DENND1A: variants seen among roughly 807,000 people sequenced by gnomAD.
The protein encoded by DENND1A is DENN domain containing 1A.
In DENND1A, 51 loss-of-function variants were observed where a neutral mutation model predicts 113.7. The observed-to-expected ratio is 0.45, with a 90% CI of 0.36 to 0.57. DENND1A has a LOEUF of 0.57. Ranked by LOEUF, DENND1A falls within the 20% of genes least tolerant of loss-of-function variation. DENND1A has a pLI of 0.00. For missense variants in DENND1A, 1,258 were observed against 1,395.9 expected (o/e 0.90, Z 1.57); for synonymous variants, 565 against 570.8 (o/e 0.99, Z 0.14).
rs142067048 is a variant in DENND1A, at chr9:123,791,689, T to C, written c.132+898A>G. Among the ~76,000 whole-genome samples the C allele has an allele frequency of 3.3e-4, 50 of 152,318 alleles. No individual in the cohort carries two copies. The East Asian group carries it at 9.1e-3, about 28-fold the overall frequency. On this transcript the variant is annotated intron_variant, in intron 3 of 23. Transcript: ENST00000394215. ...GGGTATTTCTATTCTATTGTACTTATCCTCATTCAAAGACTTTTAATAAAA... is the reference window on the plus strand; with the variant it reads ...GGGTATTTCTATTCTATTGTACTTACCCTCATTCAAAGACTTTTAATAAAA...
At chr9:123,664,713 A>C (rs1186706925) in intron 8 of DENND1A, among the ~76,000 whole-genome samples, 3 of 152,202 alleles carry the variant, frequency 2.0e-5, no homozygotes, top group Non-Finnish European at 4.4e-5. Context: ...TTTCAAATAG[A>C]TGAATATTTT....
intron 2 of DENND1A, among the ~76,000 whole-genome samples, chr9:123,821,090 G>A (rs1163908285): frequency 2.0e-5 from 3 of 152,188 alleles, no homozygotes; most frequent in Non-Finnish European, 2.9e-5. Flanking sequence ...TAGGAATACT[G>A]TTTTGACAAC....
chr9:123,410,277 CG>C (rs1564435995), intron 20 of DENND1A, among the ~76,000 whole-genome samples: 2 of 152,182 alleles, frequency 1.3e-5, no homozygotes, highest in African/African-American at 4.8e-5. Flanking sequence ...CTAGCTCTGT[CG>C]GCCCCCCAAA....
chr9:123,618,123 G>C (rs573023519), intron 10 of DENND1A, among the ~76,000 whole-genome samples: 2 of 152,252 alleles, frequency 1.3e-5, no homozygotes, highest in South Asian at 4.2e-4. Context: ...CACTATGCTG[G>C]TGCTGCACAT....
intron 5 of DENND1A, among the ~76,000 whole-genome samples, chr9:123,705,058 A>G (rs2066107947): frequency 7.5e-6 from 1 of 132,930 alleles, no homozygotes; most frequent in Admixed American, 7.0e-5. Flanking sequence ...AATCCCACGC[A>G]AGATGAATTT....
intron 5 of DENND1A, among the ~76,000 whole-genome samples, chr9:123,727,822 A>G (rs2067816989): frequency 6.6e-6 from 1 of 152,152 alleles, no homozygotes; most frequent in South Asian, 2.1e-4. Flanking sequence ...GAATCCCTAA[A>G]TAGGCCAGGC....
chr9:123,462,511 C>A (rs534003635), intron 13 of DENND1A, among the ~76,000 whole-genome samples: 5 of 152,250 alleles, frequency 3.3e-5, no homozygotes, highest in African/African-American at 1.2e-4. Context: ...AAAATTGGAA[C>A]CCTGGCCAGG....
rs2062693392 is a variant in DENND1A, at chr9:123,652,132, A to G, written c.508-9T>C. The G allele has an allele frequency of 4.3e-6, 7 of 1,611,494 alleles. No homozygotes were observed. Among genetic ancestry groups the G allele is most frequent in the Non-Finnish European group, 5.9e-6 (7 of 1,177,786 alleles). On this transcript the variant is annotated splice_polypyrimidine_tract_variant and intron_variant, in intron 8 of 23. Transcript: ENST00000394215. ...TATTCTGTCAGATTTCTCTAGGAGAAAGAAGAAGGCACGGTTTGTGGCTGA... is the reference window on the plus strand; with the variant it reads ...TATTCTGTCAGATTTCTCTAGGAGAGAGAAGAAGGCACGGTTTGTGGCTGA...
chr9:123,658,998 C>T (rs954499973), intron 8 of DENND1A, among the ~76,000 whole-genome samples: 3 of 152,282 alleles, frequency 2.0e-5, no homozygotes, highest in African/African-American at 4.8e-5. Flanking sequence ...TGGCAAGTTA[C>T]CTCACTTCTC....
At chr9:123,586,530 C>T (rs2026745) in intron 11 of DENND1A, among the ~76,000 whole-genome samples, 10,841 of 152,298 alleles carry the variant, frequency 0.071, 480 homozygotes, top group Admixed American at 0.14. Flanking sequence ...ATGCCCCGAG[C>T]ACCAGGCTCC....
chr9:123,919,776 G>T (rs1855885810), intron 1 of DENND1A, among the ~76,000 whole-genome samples: 1 of 151,704 alleles, frequency 6.6e-6, no homozygotes. Flanking sequence ...CAGCTACTGG[G>T]GTGGCTGAGG....
intron 22 of DENND1A, among the ~76,000 whole-genome samples, 177 bp from the exon 23 acceptor site, chr9:123,384,090 G>C (rs1178563911): frequency 6.6e-6 from 1 of 152,240 alleles, no homozygotes; most frequent in Non-Finnish European, 1.5e-5. Flanking sequence ...GGTGCAAGCT[G>C]GGCATGCCGA....
At position 123,381,805 on chromosome 9, in the gene DENND1A, T is replaced by C; in HGVS notation, c.2840A>G (p.Asn947Ser). 6.6e-7 allele frequency: 1 copy of C among 1,515,024 alleles called. No individual in the cohort carries two copies. Among genetic ancestry groups the C allele is most frequent in the Non-Finnish European group, 8.8e-7 (1 of 1,131,700 alleles). 93.8% of individuals were successfully genotyped at this position (1,515,024 alleles called of 1,614,324 possible). A position where few individuals can be genotyped will look rare whatever the true frequency, so the allele number is the denominator to read the frequency against. Reference protein sequence around the residue: ...GFCAPHRSQPNLSALSMPNLF... With the variant: ...GFCAPHRSQPSLSALSMPNLF... ...GTTGGGCATGGAGAGGGCGGAGAGG[T>C]TGGGCTGAGACCTGTGAGGGGCACA... The change falls in exon 24 of 24, where the codon AAC becomes AGC. Residue 947 changes from asparagine to serine, a missense_variant. Physicochemically the swap from Asn to Ser is conservative, Grantham distance 46 (BLOSUM62 1). This residue lies in a region of DENND1A where 1,159 missense variants were observed against 1,231.7 expected (regional missense o/e 0.94). Coordinates refer to ENST00000394215, the MANE Select transcript of DENND1A (RefSeq NM_001352964.2). The surrounding 1 kb of genome is among the most constrained non-coding windows in gnomAD (Gnocchi z 4.7).
chr9:123,591,513 C>A (rs559236497), intron 11 of DENND1A, among the ~76,000 whole-genome samples: 5 of 152,334 alleles, frequency 3.3e-5, no homozygotes, highest in African/African-American at 1.2e-4. Context: ...AGACAGGACA[C>A]CCTCTCTAGG....
At position 123,902,405 on chromosome 9, in the gene DENND1A, G is replaced by C. The variant is rs570863392; in HGVS notation, c.18-23384C>G. 4.6e-5 allele frequency among the ~76,000 whole-genome samples: 7 copies of C among 152,270 alleles called. No homozygotes were observed. The South Asian group carries it at 1.5e-3, about 32-fold the overall frequency. Reference sequence around the variant, plus strand: ...GGCAATAAAGTTCTACCTTCGTGGTGCAAATGCCTGCTAGTTACTAGGAAT... The same window carrying C: ...GGCAATAAAGTTCTACCTTCGTGGTCCAAATGCCTGCTAGTTACTAGGAAT... On this transcript the variant is annotated intron_variant, in intron 1 of 23. Coordinates refer to ENST00000394215, the MANE Select transcript of DENND1A (RefSeq NM_001352964.2).
At chr9:123,722,543 T>C (rs2067415504) in intron 5 of DENND1A, among the ~76,000 whole-genome samples, 1 of 152,208 alleles carries the variant, frequency 6.6e-6, no homozygotes, top group African/African-American at 2.4e-5. Context: ...AATGGTTTCA[T>C]GGGCTGAGCC....
At chr9:123,555,458 G>T (rs912310671) in intron 13 of DENND1A, among the ~76,000 whole-genome samples, 21 of 152,170 alleles carry the variant, frequency 1.4e-4, no homozygotes, top group Admixed American at 1.4e-3. Flanking sequence ...CACTGGCTAT[G>T]AGGGGCCCTG....
intron 6 of DENND1A, among the ~76,000 whole-genome samples, chr9:123,671,896 T>C (rs868475739): frequency 9.2e-5 from 14 of 152,180 alleles, no homozygotes; most frequent in African/African-American, 3.4e-4. Flanking sequence ...ATTTGTGAAA[T>C]TGAGCAACAT....
chr9:123,640,687 G>A (rs1211589418), intron 9 of DENND1A, among the ~76,000 whole-genome samples: 1 of 152,218 alleles, frequency 6.6e-6, no homozygotes, highest in Non-Finnish European at 1.5e-5. Context: ...TGAATAGTGC[G>A]CCCAGTGCTG....
Sources: gnomAD v4.1 joint callset for allele counts (sites outside exome capture counted in the v4.1 genomes callset) on GRCh38, gnomAD v4.1.1 for gene constraint, gnomAD v4.1.1 regional missense constraint, Gnocchi (gnomAD v3.1) non-coding constraint, MANE v1.5 for transcripts, NCBI Gene and HGNC (gene_info 2026-07-23, HGNC 2026-07-21) for gene names.